The following ERICH6 variants were observed in gnomAD, a reference collection of about 807,000 sequenced individuals.
ERICH6 encodes the protein glutamate rich 6.
A neutral mutation model predicts 71.0 loss-of-function variants in ERICH6; 71 were observed. That is an observed-to-expected ratio of 1.00 (90% CI 0.83 to 1.22). The LOEUF (loss-of-function observed/expected upper bound fraction) is 1.22, where lower values mean the gene tolerates loss of function less well. Ranked by LOEUF, ERICH6 falls within the 50% of genes most tolerant of loss-of-function variation. The pLI, the probability that ERICH6 is intolerant of heterozygous loss-of-function variation, is 0.00. For missense variants in ERICH6, 808 were observed against 797.2 expected (o/e 1.01, Z -0.16); for synonymous variants, 262 against 278.4 (o/e 0.94, Z 0.59).
At chr3:150,673,760 T>C (rs1028887887) in intron 11 of ERICH6, among the ~76,000 whole-genome samples, 196 bp downstream of exon 11, 1 of 152,066 alleles carries the variant, frequency 6.6e-6, no homozygotes, top group African/African-American at 2.4e-5. Flanking sequence ...AGCTAACACT[T>C]TGTGGAGACG....
chr3:150,669,449 T>G lies in ERICH6; in HGVS notation c.1346A>C (p.Tyr449Ser). 1.2e-6 allele frequency: 2 copies of G among 1,613,452 alleles called. No individual in the cohort carries two copies. Among genetic ancestry groups the G allele is most frequent in the Non-Finnish European group, 1.7e-6 (2 of 1,179,784 alleles). The stretch of plus-strand genomic sequence containing the variant: ...AATGATGGCTAGGTTTCCAGATGGA[T>G]AGCTGAGATCAGATAAGGTCATATA... ...SFPDGTTQIF[Y>S]PSGNLAIIRV... The change falls in exon 12 of 14, where the codon TAT becomes TCT. Residue 449 changes from tyrosine (Y) to serine (S), a missense_variant and splice_region_variant. Physicochemically the swap from Tyr to Ser is moderately radical, Grantham distance 144. Transcript: ENST00000295910.
chr3:150,669,119 A>C (rs192089537), intron 12 of ERICH6, among the ~76,000 whole-genome samples, 177 bp downstream of exon 12: 126 of 152,320 alleles, frequency 8.3e-4, no homozygotes, highest in Admixed American at 1.2e-3. Flanking sequence ...GGATTTTTCC[A>C]CTGAAAAGCA....
chr3:150,685,685 A>G lies in ERICH6; in HGVS notation c.783+57T>C, dbSNP rs557394724. On this transcript the variant is annotated intron_variant, in intron 6 of 13. Transcript: ENST00000295910. ...TTCACTGTCTATTGTGCAAATCATT[A>G]TGTTTTCTTATGTCATTTTTTTAAG... 3.7e-6 allele frequency: 5 copies of G among 1,353,394 alleles called. No homozygotes were observed. In the East Asian group the frequency reaches 9.4e-5, roughly 25 times the overall value. The allele number at this position is 1,353,394 out of a possible 1,614,324, so 83.8% of individuals were successfully genotyped here.
intron 3 of ERICH6, among the ~76,000 whole-genome samples, chr3:150,690,272 C>T (rs1047303489): frequency 3.3e-5 from 5 of 152,098 alleles, no homozygotes; most frequent in South Asian, 2.1e-4. Context: ...TCTCTCCACA[C>T]GTTATGATAT....
intron 1 of ERICH6, among the ~76,000 whole-genome samples, chr3:150,702,405 T>C (rs901616341): frequency 6.6e-6 from 1 of 151,536 alleles, no homozygotes; most frequent in African/African-American, 2.4e-5. Context: ...GCCTCCCAAG[T>C]AGCTGGGACT....
At chr3:150,698,710 C>T in intron 3 of ERICH6, 81 bp downstream of exon 3, 3 of 1,149,592 alleles carry the variant, frequency 2.6e-6, no homozygotes, top group South Asian at 1.3e-5. Context: ...TCAAATCTAG[C>T]TGTACTGGCC....
intron 6 of ERICH6, among the ~76,000 whole-genome samples, chr3:150,684,078 G>C (rs1426052422): frequency 2.6e-5 from 4 of 152,102 alleles, no homozygotes; most frequent in African/African-American, 9.7e-5. Flanking sequence ...AAAAAGGAAG[G>C]TGCTACATTT....
intron 13 of ERICH6, among the ~76,000 whole-genome samples, chr3:150,662,628 T>G (rs995027525): frequency 5.3e-5 from 8 of 152,302 alleles, no homozygotes; most frequent in Middle Eastern, 3.4e-3. Context: ...GGTAAATCTT[T>G]CTATCTATTT....
At chr3:150,673,166 C>T (rs752626704) in intron 11 of ERICH6, among the ~76,000 whole-genome samples, 11 of 148,428 alleles carry the variant, frequency 7.4e-5, no homozygotes, top group South Asian at 2.1e-4. Flanking sequence ...CCCTTCCATC[C>T]GTCTTTCTCT....
At chr3:150,691,091 A>C (rs1271138305) in intron 3 of ERICH6, among the ~76,000 whole-genome samples, 1 of 152,216 alleles carries the variant, frequency 6.6e-6, no homozygotes, top group African/African-American at 2.4e-5. Context: ...AGATGGAATC[A>C]GTTGGGTCAA....
chr3:150,685,854 T>C lies in ERICH6; in HGVS notation c.671A>G (p.Lys224Arg), dbSNP rs1712161117. The C allele has an allele frequency of 1.2e-6, 2 of 1,613,110 alleles. No homozygotes were observed. The highest frequency in any genetic ancestry group is 1.7e-6 in the Non-Finnish European group (2 of 1,179,718). ...CTCGAACAGTGTTATGAAGTCTTCC[T>C]TAAACTAAATTTAAAAAGAGAAAGG... ...KLNILYELEF[K>R]EDFITLFEPS... Residue 224 changes from lysine (K) to arginine (R), a missense_variant, in exon 6 of 14, where the codon AAG becomes AGG. Transcript: ENST00000295910.
chr3:150,695,619 G>A (rs1286604926), intron 3 of ERICH6, among the ~76,000 whole-genome samples: 5 of 152,096 alleles, frequency 3.3e-5, no homozygotes, highest in African/African-American at 9.7e-5. Flanking sequence ...AGTGGGCCGA[G>A]ATCGCGCCAC....
chr3:150,683,455 T>C (rs1712050467), intron 6 of ERICH6, among the ~76,000 whole-genome samples: 1 of 151,998 alleles, frequency 6.6e-6, no homozygotes, highest in Admixed American at 6.6e-5. Flanking sequence ...TGAAGCAAGA[T>C]GGAGATACTT....
At chr3:150,679,808 C>A (rs1249955370) in intron 9 of ERICH6, among the ~76,000 whole-genome samples, 1 of 152,132 alleles carries the variant, frequency 6.6e-6, no homozygotes, top group African/African-American at 2.4e-5. Context: ...CAGGCGCCTG[C>A]CACCATGCCC....
intron 4 of ERICH6, 54 bp from the exon 5 acceptor site, chr3:150,686,075 T>C (rs1712173954): frequency 7.0e-7 from 1 of 1,420,266 alleles, no homozygotes; most frequent in Non-Finnish European, 9.9e-7. Flanking sequence ...GTGCAGTGCA[T>C]TCCACTTCTG....
chr3:150,667,410 G>T (rs1727465842), intron 12 of ERICH6, among the ~76,000 whole-genome samples: 1 of 152,132 alleles, frequency 6.6e-6, no homozygotes, highest in Non-Finnish European at 1.5e-5. Flanking sequence ...TGTAAATTCT[G>T]GGGAAGGCTG....
chr3:150,682,137 G>T, intron 7 of ERICH6, 81 bp downstream of exon 7: 1 of 1,222,840 alleles, frequency 8.2e-7, no homozygotes, highest in Non-Finnish European at 1.2e-6. Context: ...AAATGGCAAT[G>T]CAGGGGAAAG....
At chr3:150,699,934 G>A (rs986625208) in intron 2 of ERICH6, among the ~76,000 whole-genome samples, 3 of 151,672 alleles carry the variant, frequency 2.0e-5, no homozygotes, top group Admixed American at 1.3e-4. Context: ...CTACCTAAGA[G>A]GTCCAACAGC....
chr3:150,682,150 G>T, intron 7 of ERICH6, 68 bp downstream of exon 7: 2 of 1,332,990 alleles, frequency 1.5e-6, no homozygotes, highest in Non-Finnish European at 2.1e-6. Context: ...GGGGAAAGAT[G>T]CAAGAGAAAA....
Sources: gnomAD v4.1 joint callset for allele counts (sites outside exome capture counted in the v4.1 genomes callset) on GRCh38, gnomAD v4.1.1 for gene constraint, MANE v1.5 for transcripts, NCBI Gene and HGNC (gene_info 2026-07-23, HGNC 2026-07-21) for gene names.